HACE1: variants seen among roughly 807,000 people sequenced by gnomAD.
The protein encoded by HACE1 is E3 ubiquitin-protein ligase HACE1.
HACE1 carries 73 observed loss-of-function variants against 118.4 expected under a neutral mutation model. That is an observed-to-expected ratio of 0.62 (90% CI 0.51 to 0.75). The LOEUF is 0.75. Among genes scored for constraint, HACE1 ranks in the 30% least tolerant of loss-of-function variants. The probability of loss-of-function intolerance (pLI) is 0.00; values close to 1 mark genes in which losing one functional copy is unlikely to be tolerated. For synonymous variants in HACE1, 368 were observed against 374.8 expected (o/e 0.98, Z 0.21); for missense variants, 749 against 1,102.2 (o/e 0.68, Z 4.54).
At chr6:104,805,092 A>G (rs556797897) in intron 7 of HACE1, among the ~76,000 whole-genome samples, 42 of 152,366 alleles carry the variant, frequency 2.8e-4, no homozygotes, top group African/African-American at 9.4e-4. Flanking sequence ...TGCAACCAAC[A>G]GACATGAAAA....
intron 7 of HACE1, among the ~76,000 whole-genome samples, chr6:104,806,643 T>G (rs1228522989): frequency 6.6e-6 from 1 of 152,142 alleles, no homozygotes; most frequent in Admixed American, 6.5e-5. Flanking sequence ...TCAGTTTAAA[T>G]AACTAAAAAA....
rs1186031034 is a variant in HACE1, at chr6:104,859,547, G to A, written c.76+20C>T. 19 of 1,507,742 alleles carry A rather than the reference G, an allele frequency of 1.3e-5. No homozygotes were observed. The highest frequency in any genetic ancestry group is 1.5e-5 in the Non-Finnish European group (17 of 1,132,978). 93.4% of individuals were successfully genotyped at this position (1,507,742 alleles called of 1,614,324 possible). A position where few individuals can be genotyped will look rare whatever the true frequency, so the allele number is the denominator to read the frequency against. On this transcript the variant is annotated intron_variant, in intron 1 of 23. Coordinates refer to ENST00000262903, the MANE Select transcript of HACE1 (RefSeq NM_020771.4). ...CCGCCCCCAGCCCCGCGGCCAGCCT[G>A]GCCCCGCGACCCGGCTCACCCTCGG...
rs191363136 is a variant in HACE1 at position 104,728,149 on chromosome 6, A to C, written c.*1513T>G. On this transcript the variant is annotated 3_prime_UTR_variant, in exon 24 of 24. Coordinates refer to ENST00000262903, the MANE Select transcript of HACE1 (RefSeq NM_020771.4). ...TTTTACATAACTACTTGCAAAAAAAACTAATATGACAAAGCCAATGTATTA... is the reference window on the plus strand; with the variant it reads ...TTTTACATAACTACTTGCAAAAAAACCTAATATGACAAAGCCAATGTATTA... 6.6e-6 allele frequency: 1 copy of C among 152,306 alleles called. No homozygotes were observed. Among genetic ancestry groups the C allele is most frequent in the East Asian group, 1.9e-4 (1 of 5,188 alleles). 9.4% of individuals were successfully genotyped at this position (152,306 alleles called of 1,614,324 possible). A position where few individuals can be genotyped will look rare whatever the true frequency, so the allele number is the denominator to read the frequency against.
Position 104,728,834 on chromosome 6 carries a change from A to C in HACE1, c.*828T>G, listed in dbSNP as rs1481013006. The C allele has an allele frequency of 1.3e-5, 2 of 152,300 alleles. No individual in the cohort carries two copies. The highest frequency in any genetic ancestry group is 2.9e-5 in the Non-Finnish European group (2 of 68,002). 9.4% of individuals were successfully genotyped at this position (152,300 alleles called of 1,614,324 possible). A position where few individuals can be genotyped will look rare whatever the true frequency, so the allele number is the denominator to read the frequency against. The stretch of plus-strand genomic sequence containing the variant: ...GAAAAGCAAATTTAAGAAGCAAAAA[A>C]ATTAACATATTTAAATTATAATTTG... On this transcript the variant is annotated 3_prime_UTR_variant, in exon 24 of 24. Coordinates refer to ENST00000262903, the MANE Select transcript of HACE1 (RefSeq NM_020771.4).
intron 7 of HACE1, among the ~76,000 whole-genome samples, chr6:104,801,698 C>T (rs1038470453): frequency 2.0e-5 from 3 of 152,162 alleles, no homozygotes; most frequent in Admixed American, 2.0e-4. Flanking sequence ...GCCTGCCTTA[C>T]AAGAGCTCCT....
chr6:104,789,885 G>T (rs1342298144), intron 11 of HACE1, among the ~76,000 whole-genome samples: 2 of 152,112 alleles, frequency 1.3e-5, no homozygotes, highest in African/African-American at 4.8e-5. Flanking sequence ...TGATATGAAT[G>T]TTTGAAGCAG....
At chr6:104,730,613 C>G (rs1775101471) in intron 22 of HACE1, 197 bp from the exon 23 acceptor site, 3 of 564,324 alleles carry the variant, frequency 5.3e-6, no homozygotes, top group South Asian at 1.9e-5. Context: ...GGAGACACCC[C>G]TCCACATTTC....
chr6:104,776,367 A>T (rs1165220742), intron 17 of HACE1, among the ~76,000 whole-genome samples: 2 of 152,248 alleles, frequency 1.3e-5, no homozygotes, highest in Admixed American at 6.5e-5. Context: ...AGCACCATTA[A>T]TTTATGAAAT....
At chr6:104,856,760 T>A (rs1440188996) in intron 1 of HACE1, among the ~76,000 whole-genome samples, 8 of 152,108 alleles carry the variant, frequency 5.3e-5, no homozygotes, top group Admixed American at 5.2e-4. Context: ...CTACTAAGAA[T>A]CCATATCCCT....
intron 4 of HACE1, among the ~76,000 whole-genome samples, chr6:104,847,761 A>C (rs1397454573): frequency 6.6e-6 from 1 of 152,148 alleles, no homozygotes; most frequent in African/African-American, 2.4e-5. Flanking sequence ...TAATTAAAAA[A>C]AAAGACACAA....
chr6:104,758,031 A>G (rs1358382461), intron 19 of HACE1, among the ~76,000 whole-genome samples: 1 of 152,242 alleles, frequency 6.6e-6, no homozygotes, highest in African/African-American at 2.4e-5. Context: ...AAAGCCTCCA[A>G]GAAATATGGG....
intron 22 of HACE1, among the ~76,000 whole-genome samples, chr6:104,741,261 G>A (rs1250751322): frequency 5.1e-5 from 6 of 117,000 alleles, no homozygotes; most frequent in Non-Finnish European, 1.0e-4. Flanking sequence ...AGACAGGGAC[G>A]CCCTCTCTCA....
intron 10 of HACE1, among the ~76,000 whole-genome samples, chr6:104,794,401 A>C (rs1783390455): frequency 1.3e-5 from 2 of 152,220 alleles, no homozygotes; most frequent in Non-Finnish European, 1.5e-5. Flanking sequence ...TATAACCATC[A>C]TCACCTCTAC....
intron 5 of HACE1, among the ~76,000 whole-genome samples, chr6:104,841,149 T>G (rs1190079625): frequency 1.3e-5 from 2 of 150,314 alleles, no homozygotes. Context: ...CTGAGAGAAG[T>G]TGTTTAGGGA....
chr6:104,767,523 T>G (rs1780144729), intron 19 of HACE1, among the ~76,000 whole-genome samples: 1 of 152,182 alleles, frequency 6.6e-6, no homozygotes, highest in African/African-American at 2.4e-5. Context: ...AGTTTGGTTG[T>G]TTCTTTTTGT....
At chr6:104,825,619 GC>G (rs1562457614) in intron 6 of HACE1, among the ~76,000 whole-genome samples, 1 of 152,140 alleles carries the variant, frequency 6.6e-6, no homozygotes, top group Non-Finnish European at 1.5e-5. Context: ...TGTAACTTCA[GC>G]CTCTGATTGA....
At chr6:104,761,162 T>C (rs547419979) in intron 19 of HACE1, among the ~76,000 whole-genome samples, 6 of 152,208 alleles carry the variant, frequency 3.9e-5, no homozygotes, top group African/African-American at 1.4e-4. Flanking sequence ...TCCATCAAGC[T>C]ACCATTCACT....
chr6:104,773,309 T>C (rs1227901452), intron 17 of HACE1, among the ~76,000 whole-genome samples: 2 of 152,190 alleles, frequency 1.3e-5, no homozygotes, highest in Admixed American at 6.5e-5. Flanking sequence ...GTGAAATCTT[T>C]AGTCATTTTG....
chr6:104,820,783 T>A (rs186553370), intron 6 of HACE1, among the ~76,000 whole-genome samples: 31 of 152,332 alleles, frequency 2.0e-4, no homozygotes, highest in African/African-American at 7.2e-4. Context: ...GTGTGGTGAT[T>A]CCTCAAAGAC....
Sources: allele counts gnomAD v4.1 joint callset (sites outside exome capture counted in the v4.1 genomes callset), GRCh38; gene constraint gnomAD v4.1.1; transcripts MANE v1.5; gene names NCBI Gene and HGNC (gene_info 2026-07-23, HGNC 2026-07-21).